NRXN3: variants seen among roughly 807,000 people sequenced by gnomAD.
The protein encoded by NRXN3 is neurexin 3, also known as neurexin III.
A neutral mutation model predicts 137.6 loss-of-function variants in NRXN3; 32 were observed. That is an observed-to-expected ratio of 0.23 (90% CI 0.18 to 0.31). NRXN3 has a LOEUF of 0.31. Ranked by LOEUF, NRXN3 falls within the 10% of genes least tolerant of loss-of-function variation. The probability of loss-of-function intolerance (pLI) is 1.00; values close to 1 mark genes in which losing one functional copy is unlikely to be tolerated. For synonymous variants in NRXN3, 798 were observed against 784.5 expected (o/e 1.02, Z -0.29); for missense variants, 1,574 against 2,062.5 (o/e 0.76, Z 4.59).
intron 8 of NRXN3, among the ~76,000 whole-genome samples, chr14:78,768,529 A>G (rs935381052): frequency 7.9e-5 from 12 of 152,214 alleles, no homozygotes; most frequent in African/African-American, 2.9e-4. Context: ...ATAAGGAATC[A>G]CTACATGATA....
At chr14:79,344,242 C>G (rs1328299340) in intron 15 of NRXN3, among the ~76,000 whole-genome samples, 1 of 152,132 alleles carries the variant, frequency 6.6e-6, no homozygotes, top group East Asian at 1.9e-4. Context: ...CCTTCCAGGG[C>G]TCATCTGACC....
intron 4 of NRXN3, among the ~76,000 whole-genome samples, chr14:78,438,293 G>C (rs1049171632): frequency 2.6e-5 from 4 of 152,186 alleles, no homozygotes; most frequent in Admixed American, 6.5e-5. Flanking sequence ...TCATTAAGCA[G>C]CTGGAAATTT....
At chr14:79,704,994 A>G (rs1183112132) in intron 19 of NRXN3, among the ~76,000 whole-genome samples, 1 of 152,166 alleles carries the variant, frequency 6.6e-6, no homozygotes, top group African/African-American at 2.4e-5. Context: ...TGGATGGAAC[A>G]GGTGCTTTCC....
At chr14:79,650,195 C>T (rs1418055042) in intron 16 of NRXN3, among the ~76,000 whole-genome samples, 4 of 152,064 alleles carry the variant, frequency 2.6e-5, no homozygotes, top group Non-Finnish European at 5.9e-5. Context: ...ATAGGAGAAA[C>T]TGAGTTTGTT....
chr14:79,730,247 C>A (rs995473263), intron 19 of NRXN3, among the ~76,000 whole-genome samples: 2 of 152,154 alleles, frequency 1.3e-5, no homozygotes, highest in Non-Finnish European at 2.9e-5. Context: ...CTTTGGTGAG[C>A]CATACCAGGT....
intron 20 of NRXN3, among the ~76,000 whole-genome samples, chr14:79,827,800 T>C (rs2099309887): frequency 1.3e-5 from 2 of 151,500 alleles, no homozygotes; most frequent in African/African-American, 2.4e-5. Flanking sequence ...GTTCCAGCAA[T>C]TCTCCTGCCT....
Position 79,240,906 on chromosome 14 carries a change from A to G in NRXN3, c.3263-226315A>G, listed in dbSNP as rs114044666. ...ATGCCATGCAGGTGCAGAATCTAGAAGTGATATCTTGTTTTCCCCAATAGG... is the reference window on the plus strand; with the variant it reads ...ATGCCATGCAGGTGCAGAATCTAGAGGTGATATCTTGTTTTCCCCAATAGG... On this transcript the variant is annotated intron_variant, in intron 15 of 20. Coordinates refer to ENST00000335750, the MANE Select transcript of NRXN3 (RefSeq NM_001330195.2). Among the ~76,000 whole-genome samples, 259 of 152,262 alleles carry G rather than the reference A, an allele frequency of 1.7e-3. 1 individual carries two copies. The highest frequency in any genetic ancestry group is 6.1e-3 in the African/African-American group (253 of 41,558).
intron 17 of NRXN3, among the ~76,000 whole-genome samples, chr14:79,680,180 A>G (rs1855623128): frequency 6.6e-6 from 1 of 152,166 alleles, no homozygotes; most frequent in Admixed American, 6.6e-5. Context: ...GGGGCTGAAG[A>G]GGCAGTGCCT....
chr14:78,362,582 G>T (rs2085294603), intron 4 of NRXN3, among the ~76,000 whole-genome samples: 1 of 152,088 alleles, frequency 6.6e-6, no homozygotes, highest in Non-Finnish European at 1.5e-5. Context: ...AAATAATTTT[G>T]AGTTGTATAG....
At chr14:79,439,506 A>G (rs1441392293) in intron 15 of NRXN3, among the ~76,000 whole-genome samples, 1 of 152,170 alleles carries the variant, frequency 6.6e-6, no homozygotes, top group African/African-American at 2.4e-5. Context: ...TTTTGTTTGC[A>G]TGGAGCTAAG....
chr14:79,236,677 C>T (rs1531626), intron 15 of NRXN3, among the ~76,000 whole-genome samples: 2,619 of 151,902 alleles, frequency 0.017, 87 homozygotes, highest in African/African-American at 0.06. Context: ...TTTGGGAGGC[C>T]GAGGTGGGAG....
intron 15 of NRXN3, among the ~76,000 whole-genome samples, chr14:79,140,644 C>CA (rs997494929): frequency 1.4e-5 from 2 of 144,244 alleles, no homozygotes; most frequent in Non-Finnish European, 3.0e-5. Flanking sequence ...GGTTTGTTAC[C>CA]AAAAAATCCA....
At chr14:78,762,527 T>TG (rs1013439736) in intron 8 of NRXN3, among the ~76,000 whole-genome samples, 14 of 152,176 alleles carry the variant, frequency 9.2e-5, no homozygotes, top group Non-Finnish European at 1.8e-4. Flanking sequence ...GAATAATGTC[T>TG]GTCATCCCCT....
At chr14:78,991,654 A>G (rs31405) in intron 15 of NRXN3, among the ~76,000 whole-genome samples, 8,035 of 152,286 alleles carry the variant, frequency 0.053, 628 homozygotes, top group African/African-American at 0.17. Flanking sequence ...TACTAAATCC[A>G]TCATGTGTAA....
At chr14:78,297,801 C>T (rs578096292) in intron 3 of NRXN3, 30 bp from the exon 4 acceptor site, 1 of 1,482,830 alleles carries the variant, frequency 6.7e-7, no homozygotes, top group South Asian at 1.2e-5. Context: ...CCCCACTCCT[C>T]TTCCCTTTCT....
chr14:78,586,737 C>G (rs917310818), intron 4 of NRXN3, among the ~76,000 whole-genome samples: 1 of 152,212 alleles, frequency 6.6e-6, no homozygotes, highest in African/African-American at 2.4e-5. Flanking sequence ...CCAAGAGGAC[C>G]TTGAAGAAGA....
chr14:79,032,482 G>A (rs1045331759), intron 15 of NRXN3, among the ~76,000 whole-genome samples: 1 of 152,102 alleles, frequency 6.6e-6, no homozygotes, highest in Non-Finnish European at 1.5e-5. Context: ...GGGGCAAAAA[G>A]TAAATAAAGT....
intron 10 of NRXN3, among the ~76,000 whole-genome samples, chr14:78,832,973 C>T (rs1434700499): frequency 6.6e-6 from 1 of 152,172 alleles, no homozygotes; most frequent in Non-Finnish European, 1.5e-5. Context: ...AAGTTTCACG[C>T]ATAAAACATC....
chr14:78,863,847 C>G (rs529846451), intron 10 of NRXN3, among the ~76,000 whole-genome samples: 11 of 152,176 alleles, frequency 7.2e-5, no homozygotes, highest in African/African-American at 2.4e-4. Flanking sequence ...TCCTCCTCAT[C>G]ATCATTATAA....
Sources: gnomAD v4.1 joint callset for allele counts (sites outside exome capture counted in the v4.1 genomes callset) on GRCh38, gnomAD v4.1.1 for gene constraint, MANE v1.5 for transcripts, NCBI Gene and HGNC (gene_info 2026-07-23, HGNC 2026-07-21) for gene names.